The following MYO1E variants were observed in gnomAD, a reference collection of about 807,000 sequenced individuals.
MYO1E encodes the protein myosin IE.
Under a neutral mutation model 151.1 loss-of-function variants are expected in MYO1E, and 68 were observed. The observed-to-expected ratio is 0.45, with a 90% CI of 0.37 to 0.55. The LOEUF (loss-of-function observed/expected upper bound fraction) is 0.55. MYO1E is among the 20% of genes least tolerant of loss of function. The pLI is 0.00. For missense variants in MYO1E, 1,363 were observed against 1,389.3 expected (o/e 0.98, Z 0.30); for synonymous variants, 601 against 501.7 (o/e 1.20, Z -2.64).
At chr15:59,197,891 T>G (rs1325827316) in intron 16 of MYO1E, among the ~76,000 whole-genome samples, 1 of 152,256 alleles carries the variant, frequency 6.6e-6, no homozygotes, top group Non-Finnish European at 1.5e-5. Context: ...AAACAGGGTC[T>G]TGCTCTGTTG....
At chr15:59,165,542 C>G (rs2079558959) in intron 22 of MYO1E, among the ~76,000 whole-genome samples, 1 of 152,220 alleles carries the variant, frequency 6.6e-6, no homozygotes, top group Non-Finnish European at 1.5e-5. Context: ...CCCTGACAAG[C>G]AGTGGTTTAA....
At chr15:59,225,679 C>G (rs531976884) in intron 7 of MYO1E, among the ~76,000 whole-genome samples, 121 of 146,238 alleles carry the variant, frequency 8.3e-4, no homozygotes, top group Non-Finnish European at 1.3e-3. Flanking sequence ...CGGAGTCTCA[C>G]TCTGTCGCCC....
intron 26 of MYO1E, among the ~76,000 whole-genome samples, chr15:59,143,741 A>G (rs574496949): frequency 1.3e-5 from 2 of 152,232 alleles, no homozygotes; most frequent in South Asian, 4.2e-4. Context: ...CCTGGCCAAC[A>G]TGGTGGCACA....
intron 1 of MYO1E, among the ~76,000 whole-genome samples, chr15:59,301,829 A>G (rs2080484452): frequency 2.0e-5 from 3 of 152,198 alleles, no homozygotes; most frequent in African/African-American, 4.8e-5. Flanking sequence ...GACTTCCAAG[A>G]TAGAGAACGG....
chr15:59,226,111 G>A (rs1446555574), intron 7 of MYO1E, among the ~76,000 whole-genome samples: 1 of 152,066 alleles, frequency 6.6e-6, no homozygotes, highest in Non-Finnish European at 1.5e-5. Flanking sequence ...CTAGCACTGG[G>A]TATTATTTAT....
Position 59,136,737 on chromosome 15 carries a change from A to T in MYO1E, c.*643T>A, listed in dbSNP as rs1434338832. 2.2e-6 allele frequency: 1 copy of T among 456,422 alleles called. No homozygotes were observed. Among genetic ancestry groups the T allele is most frequent in the Non-Finnish European group, 4.4e-6 (1 of 226,852 alleles). 28.3% of individuals were successfully genotyped at this position (456,422 alleles called of 1,614,324 possible). A position where few individuals can be genotyped will look rare whatever the true frequency, so the allele number is the denominator to read the frequency against. ...ACATTCTAATTGAAGACCCAGAGAA[A>T]GCAAAGCCAGCAGCCCAGCCCCCAG... On this transcript the variant is annotated 3_prime_UTR_variant, in exon 28 of 28. Coordinates refer to ENST00000288235, the MANE Select transcript of MYO1E (RefSeq NM_004998.4).
intron 8 of MYO1E, among the ~76,000 whole-genome samples, 172 bp from the exon 9 acceptor site, chr15:59,223,363 A>T (rs1321019768): frequency 6.6e-6 from 1 of 151,800 alleles, no homozygotes; most frequent in Non-Finnish European, 1.5e-5. Flanking sequence ...GTGCAGTCAC[A>T]TGTGGCTTAG....
intron 2 of MYO1E, among the ~76,000 whole-genome samples, chr15:59,267,414 C>T (rs185672080): frequency 4.9e-4 from 74 of 152,300 alleles, no homozygotes; most frequent in Non-Finnish European, 9.6e-4. Context: ...TGAGGTGGCA[C>T]AGGGAGGTGA....
Position 59,236,624 on chromosome 15 carries a change from G to A in MYO1E, c.381C>T (p.Ser127=), listed in dbSNP as rs776931350. The A allele has an allele frequency of 6.2e-7, 1 of 1,613,854 alleles. No homozygotes were observed. The highest frequency in any genetic ancestry group is 8.5e-7 in the Non-Finnish European group (1 of 1,179,930). ...GKTVAAKYIM[S]YISRVSGGGT... is the part of the protein sequence containing the mutation. ...CTCCTCCAGACACTCTGGAGATGTAGCTCATGATATATTTGGCAGCCACTG... is the reference window on the plus strand; with the variant it reads ...CTCCTCCAGACACTCTGGAGATGTAACTCATGATATATTTGGCAGCCACTG... The change falls in exon 5 of 28, where the codon AGC becomes AGT. Residue 127 remains serine (S), a synonymous_variant. Transcript: ENST00000288235.
intron 1 of MYO1E, among the ~76,000 whole-genome samples, chr15:59,372,286 T>C (rs2080951041): frequency 2.0e-5 from 3 of 152,280 alleles, no homozygotes; most frequent in African/African-American, 2.4e-5. Flanking sequence ...AGAAACCGAC[T>C]TGGAATAAAG....
intron 1 of MYO1E, among the ~76,000 whole-genome samples, chr15:59,293,702 CA>C (rs2080432905): frequency 6.6e-6 from 1 of 152,112 alleles, no homozygotes. Context: ...ATGAAGCCCT[CA>C]AAAGTTTTTT....
intron 1 of MYO1E, among the ~76,000 whole-genome samples, chr15:59,330,489 T>C (rs2080691646): frequency 6.6e-6 from 1 of 152,166 alleles, no homozygotes. Context: ...TATCCCCAAA[T>C]ATTCCCAAGG....
chr15:59,260,960 C>T (rs2080221136), intron 3 of MYO1E, among the ~76,000 whole-genome samples: 1 of 152,072 alleles, frequency 6.6e-6, no homozygotes, highest in Non-Finnish European at 1.5e-5. Flanking sequence ...CGTGGTGGCT[C>T]ACCAGCACTT....
At chr15:59,235,939 A>C (rs1709383264) in intron 5 of MYO1E, among the ~76,000 whole-genome samples, 1 of 152,144 alleles carries the variant, frequency 6.6e-6, no homozygotes, top group South Asian at 2.1e-4. Context: ...ACATACTTTC[A>C]TGTTTTGTGA....
chr15:59,188,325 C>T, intron 17 of MYO1E, 109 bp from the exon 18 acceptor site: 1 of 808,328 alleles, frequency 1.2e-6, no homozygotes, highest in Admixed American at 1.8e-5. Flanking sequence ...GAAACATATT[C>T]AGAAGACTAC....
intron 1 of MYO1E, among the ~76,000 whole-genome samples, chr15:59,324,747 C>T (rs1376155011): frequency 6.6e-6 from 1 of 150,840 alleles, no homozygotes; most frequent in Non-Finnish European, 1.5e-5. Flanking sequence ...CTGCTTCTTT[C>T]AGACTGAGGG....
At chr15:59,175,172 T>C (rs2079617384) in intron 19 of MYO1E, among the ~76,000 whole-genome samples, 2 of 152,218 alleles carry the variant, frequency 1.3e-5, no homozygotes, top group Non-Finnish European at 1.5e-5. Flanking sequence ...TCTTTCAGGC[T>C]CTGCCAGGCT....
rs1264618206 is a variant in MYO1E, at chr15:59,195,513, G to A, written c.1753C>T (p.Arg585Cys). The A allele has an allele frequency of 3.1e-6, 5 of 1,614,022 alleles. No homozygotes were observed. Among genetic ancestry groups the A allele is most frequent in the East Asian group, 2.2e-5 (1 of 44,904 alleles). The stretch of plus-strand genomic sequence containing the variant: ...TTGGTTTCGTTTGGCTTGATGCAGC[G>A]AATGTAGTGGGGCGTACATTTCATC... ...TLMKCTPHYI[R>C]CIKPNETKKP... is the part of the protein sequence containing the mutation. Residue 585 changes from arginine (R) to cysteine (C), a missense_variant, in exon 17 of 28, where the codon CGC (arginine) becomes TGC (cysteine). Physicochemically the swap from Arg to Cys is radical, Grantham distance 180. Transcript: ENST00000288235.
At chr15:59,275,642 C>T (rs2140384813) in intron 1 of MYO1E, among the ~76,000 whole-genome samples, 1 of 152,274 alleles carries the variant, frequency 6.6e-6, no homozygotes, top group Admixed American at 6.5e-5. Context: ...AAAACCCACC[C>T]AGATGAGGCA....
Sources: allele counts gnomAD v4.1 joint callset (sites outside exome capture counted in the v4.1 genomes callset), GRCh38; gene constraint gnomAD v4.1.1; transcripts MANE v1.5; gene names NCBI Gene and HGNC (gene_info 2026-07-23, HGNC 2026-07-21).